Variants in ROBO2 observed in about 807,000 individuals in gnomAD.
ROBO2 encodes roundabout homolog 2.
Under a neutral mutation model 160.8 loss-of-function variants are expected in ROBO2, and 53 were observed. The observed-to-expected ratio is 0.33, with a 90% CI of 0.26 to 0.41. The LOEUF (loss-of-function observed/expected upper bound fraction) is 0.41, where lower values mean the gene tolerates loss of function less well. Among genes scored for constraint, ROBO2 ranks in the 10% least tolerant of loss-of-function variants. ROBO2 has a pLI of 1.00. For synonymous variants in ROBO2, 664 were observed against 611.7 expected (o/e 1.09, Z -1.26); for missense variants, 1,577 against 1,722.4 (o/e 0.92, Z 1.49).
chr3:76,978,862 T>C (rs2059939098), intron 2 of ROBO2, among the ~76,000 whole-genome samples: 1 of 151,768 alleles, frequency 6.6e-6, no homozygotes, highest in South Asian at 2.1e-4. Flanking sequence ...GTTCAGCTGG[T>C]TTCTTGTTTT....
chr3:76,326,429 CAT>C (rs1212448684), intron 2 of ROBO2, among the ~76,000 whole-genome samples: 1 of 151,992 alleles, frequency 6.6e-6, no homozygotes, highest in Admixed American at 6.6e-5. Flanking sequence ...TATATACACA[CAT>C]ACTAGTAAAT....
At chr3:76,628,237 A>T (rs1021570243) in intron 2 of ROBO2, among the ~76,000 whole-genome samples, 1 of 151,878 alleles carries the variant, frequency 6.6e-6, no homozygotes, top group Non-Finnish European at 1.5e-5. Context: ...AGATAAAAAC[A>T]ACGTGTGTTT....
intron 2 of ROBO2, among the ~76,000 whole-genome samples, chr3:77,225,829 C>G (rs114443785): frequency 1.1e-3 from 171 of 152,056 alleles, no homozygotes; most frequent in African/African-American, 3.9e-3. Context: ...AAGTAAAATT[C>G]ATTTTTATCC....
intron 2 of ROBO2, among the ~76,000 whole-genome samples, chr3:76,123,005 C>G (rs2070816625): frequency 6.6e-6 from 1 of 152,080 alleles, no homozygotes; most frequent in South Asian, 2.1e-4. Context: ...CCTCGGCCTC[C>G]CAAAGTGTTG....
intron 2 of ROBO2, among the ~76,000 whole-genome samples, chr3:76,902,538 A>C (rs1396245045): frequency 1.3e-5 from 2 of 152,064 alleles, no homozygotes; most frequent in Admixed American, 6.6e-5. Context: ...ATATCTCAAA[A>C]CATACTTTGC....
At chr3:77,144,795 G>T (rs1431019535) in intron 2 of ROBO2, among the ~76,000 whole-genome samples, 1 of 152,154 alleles carries the variant, frequency 6.6e-6, no homozygotes, top group Non-Finnish European at 1.5e-5. Flanking sequence ...ACATGCTTTT[G>T]TGATAAACTT....
intron 2 of ROBO2, among the ~76,000 whole-genome samples, chr3:76,261,092 A>G (rs1706715523): frequency 6.6e-6 from 1 of 151,864 alleles, no homozygotes; most frequent in Non-Finnish European, 1.5e-5. Context: ...TTCAACTTTC[A>G]GTCTGAATTT....
At chr3:77,113,498 T>A (rs2073888280) in intron 2 of ROBO2, among the ~76,000 whole-genome samples, 1 of 152,222 alleles carries the variant, frequency 6.6e-6, no homozygotes, top group South Asian at 2.1e-4. Flanking sequence ...AGAATCTCAA[T>A]GTGCTTTGTC....
At chr3:76,673,023 G>A (rs2092310372) in intron 2 of ROBO2, among the ~76,000 whole-genome samples, 1 of 152,066 alleles carries the variant, frequency 6.6e-6, no homozygotes, top group Admixed American at 6.6e-5. Flanking sequence ...AGAAATGATA[G>A]TAAAAGTATG....
chr3:77,214,000 T>C (rs2084560810), intron 2 of ROBO2, among the ~76,000 whole-genome samples: 1 of 152,206 alleles, frequency 6.6e-6, no homozygotes, highest in Non-Finnish European at 1.5e-5. Flanking sequence ...TACTTCCAAC[T>C]ATGTGGTCAA....
At chr3:76,723,932 A>G (rs917591481) in intron 2 of ROBO2, among the ~76,000 whole-genome samples, 1 of 152,126 alleles carries the variant, frequency 6.6e-6, no homozygotes, top group African/African-American at 2.4e-5. Flanking sequence ...CTGCATCACA[A>G]GCTCTCCAAA....
intron 2 of ROBO2, among the ~76,000 whole-genome samples, chr3:76,398,571 A>ACGTAC (rs577628165): frequency 1.3e-3 from 190 of 151,928 alleles, no homozygotes; most frequent in Middle Eastern, 6.8e-3. Context: ...CCAATTCAAT[A>ACGTAC]CGTACCCTCT....
chr3:77,030,557 C>G (rs1306972249), intron 2 of ROBO2, among the ~76,000 whole-genome samples: 1 of 152,128 alleles, frequency 6.6e-6, no homozygotes. Context: ...AACAAGCGGA[C>G]ATTTATTCTC....
intron 2 of ROBO2, among the ~76,000 whole-genome samples, chr3:76,468,119 CT>C (rs1375362749): frequency 6.6e-6 from 1 of 152,080 alleles, no homozygotes; most frequent in Non-Finnish European, 1.5e-5. Context: ...TTAATTCTCA[CT>C]TATTCCTATC....
chr3:76,781,167 T>G (rs2108608519), intron 2 of ROBO2, among the ~76,000 whole-genome samples: 1 of 150,898 alleles, frequency 6.6e-6, no homozygotes, highest in African/African-American at 2.4e-5. Context: ...TTTTATTCCT[T>G]TTGATGATAT....
At chr3:76,720,552 A>T (rs1417934110) in intron 2 of ROBO2, among the ~76,000 whole-genome samples, 2 of 152,232 alleles carry the variant, frequency 1.3e-5, no homozygotes, top group African/African-American at 4.8e-5. Flanking sequence ...CTTACTCGGT[A>T]CAGATTTACA....
chr3:76,141,153 CTCTCTCTATATATA>C (rs1433096746), intron 2 of ROBO2, among the ~76,000 whole-genome samples: 119 of 34,642 alleles, frequency 3.4e-3, no homozygotes, highest in African/African-American at 0.015. Context: ...CTCTCTCTCT[CTCTCTCTATATATA>C]TATATATATA....
At chr3:76,225,269 A>G (rs1167503967) in intron 2 of ROBO2, among the ~76,000 whole-genome samples, 1 of 152,216 alleles carries the variant, frequency 6.6e-6, no homozygotes, top group African/African-American at 2.4e-5. Flanking sequence ...ATTATGTTTT[A>G]AAGCAAAGAT....
At chr3:77,266,720 T>C (rs1229846920) in intron 2 of ROBO2, among the ~76,000 whole-genome samples, 1 of 152,098 alleles carries the variant, frequency 6.6e-6, no homozygotes, top group Non-Finnish European at 1.5e-5. Flanking sequence ...TAATCCTTAG[T>C]TTTGTCATCC....
Sources: gnomAD v4.1 joint callset for allele counts (sites outside exome capture counted in the v4.1 genomes callset) on GRCh38, gnomAD v4.1.1 for gene constraint, MANE v1.5 for transcripts, NCBI Gene and HGNC (gene_info 2026-07-23, HGNC 2026-07-21) for gene names.